The following ANGPT4 variants were observed in gnomAD, a reference collection of about 807,000 sequenced individuals.
The protein encoded by ANGPT4 is angiopoietin 4.
In ANGPT4, 50 loss-of-function variants were observed where a neutral mutation model predicts 53.0. The observed-to-expected ratio is 0.94, with a 90% confidence interval of 0.75 to 1.20. The LOEUF (loss-of-function observed/expected upper bound fraction) is 1.20. ANGPT4 is among the 50% of genes most tolerant of loss of function. ANGPT4 has a pLI of 0.00. For missense variants in ANGPT4, 648 were observed against 637.1 expected, an observed-to-expected ratio of 1.02 and a Z score of -0.18; for synonymous variants, 251 against 259.7, an observed-to-expected ratio of 0.97 and a Z score of 0.32.
rs1406578723 is a variant in ANGPT4, at chr20:911,176, G to C, written c.309+4730C>G. ...AGGCTGGGCAAGGACCCCACCCTGGGTTCCTCCTTGGTGCTCTCTTGACCC... is the reference window on the plus strand; with the variant it reads ...AGGCTGGGCAAGGACCCCACCCTGGCTTCCTCCTTGGTGCTCTCTTGACCC... On this transcript the variant is annotated intron_variant, in intron 1 of 8. Coordinates refer to ENST00000381922, the MANE Select transcript of ANGPT4 (RefSeq NM_015985.4). This position sits in a 1 kb window ranked among gnomAD's most constrained non-coding sequence, Gnocchi z 4.9. 6.6e-6 allele frequency among the ~76,000 whole-genome samples: 1 copy of C among 152,028 alleles called. No homozygotes were observed. Among genetic ancestry groups the C allele is most frequent in the Non-Finnish European group, 1.5e-5 (1 of 67,986 alleles).
intron 1 of ANGPT4, among the ~76,000 whole-genome samples, chr20:893,375 C>T (rs747729342): frequency 5.9e-5 from 9 of 152,218 alleles, no homozygotes; most frequent in Non-Finnish European, 1.2e-4. Context: ...AATGCTATGC[C>T]TGATCACAGA....
chr20:913,183 CTT>C (rs573315279), intron 1 of ANGPT4, among the ~76,000 whole-genome samples: 1 of 151,998 alleles, frequency 6.6e-6, no homozygotes, highest in Non-Finnish European at 1.5e-5. Flanking sequence ...TTTTAAAACT[CTT>C]TTTTTAACTT....
At chr20:895,612 C>T (rs1481179821) in intron 1 of ANGPT4, among the ~76,000 whole-genome samples, 2 of 152,118 alleles carry the variant, frequency 1.3e-5, no homozygotes, top group African/African-American at 4.8e-5. Flanking sequence ...GGATGAGCAG[C>T]CTCCGTGGCC....
chr20:891,849 T>G (rs1981859705), intron 1 of ANGPT4, among the ~76,000 whole-genome samples: 1 of 152,196 alleles, frequency 6.6e-6, no homozygotes, highest in Non-Finnish European at 1.5e-5. Flanking sequence ...AGAGCTGTGT[T>G]TCTCCAAGTG....
chr20:885,689 T>C (rs12625562), intron 3 of ANGPT4, among the ~76,000 whole-genome samples: 5,050 of 151,876 alleles, frequency 0.033, 109 homozygotes, highest in Middle Eastern at 0.058. Context: ...AAAAACAAAC[T>C]AACCAACCAA....
At position 870,014 on chromosome 20, in the gene ANGPT4, A is replaced by T. The variant is rs940597874; in HGVS notation, c.*2946T>A. 2 of 152,302 alleles carry T rather than the reference A, an allele frequency of 1.3e-5. No individual in the cohort carries two copies. The highest frequency in any genetic ancestry group is 2.4e-5 in the African/African-American group (1 of 41,466). 9.4% of individuals were successfully genotyped at this position (152,302 alleles called of 1,614,324 possible). ...GGGCTGCCAGAGCCTTCTTGTGAGG[A>T]AAGATCCTGGCTGAGAATGAAGTCA... On this transcript the variant is annotated 3_prime_UTR_variant, in exon 9 of 9. Transcript: ENST00000381922.
chr20:897,219 C>T (rs1352954295), intron 1 of ANGPT4, among the ~76,000 whole-genome samples: 4 of 152,252 alleles, frequency 2.6e-5, no homozygotes, highest in Admixed American at 1.3e-4. Flanking sequence ...TTCACATGGA[C>T]GTGCATGATA....
At chr20:874,507 G>C in intron 7 of ANGPT4, 93 bp from the exon 8 acceptor site, 3 of 1,535,148 alleles carry the variant, frequency 2.0e-6, no homozygotes, top group Non-Finnish European at 2.7e-6. Flanking sequence ...TTTGTCCCAG[G>C]CTGGGCTTCC....
chr20:904,283 G>A (rs900020847), intron 1 of ANGPT4, among the ~76,000 whole-genome samples: 1 of 152,274 alleles, frequency 6.6e-6, no homozygotes, highest in East Asian at 1.9e-4. Context: ...TGCAGTAACT[G>A]TGTTTCCATC....
chr20:882,503 G>GGCTATT (rs1981447018), intron 4 of ANGPT4, among the ~76,000 whole-genome samples: 1 of 148,280 alleles, frequency 6.7e-6, no homozygotes, highest in Non-Finnish European at 1.5e-5. Flanking sequence ...GTCCAGAGAA[G>GGCTATT]GCTATTGCTC....
Position 885,230 on chromosome 20 carries a change from C to A in ANGPT4, c.683G>T (p.Ser228Ile). Residue 228 changes from serine to isoleucine, a missense_variant, in exon 4 of 9, where the codon AGC becomes ATC. Ser to Ile is a moderately radical substitution (Grantham distance 142, BLOSUM62 -2). Transcript: ENST00000381922. ...SKKAKLLNTL[S>I]RQSAALTNIE... ...GTTGGTGAGGGCGGCGCTCTGGCGGCTCAGCGTGTTCAGCAGCTTCGCCTT... is the reference window on the plus strand; with the variant it reads ...GTTGGTGAGGGCGGCGCTCTGGCGGATCAGCGTGTTCAGCAGCTTCGCCTT... The A allele has an allele frequency of 6.3e-7, 1 of 1,587,680 alleles. No individual in the cohort carries two copies. The highest frequency in any genetic ancestry group is 8.6e-7 in the Non-Finnish European group (1 of 1,166,916).
Position 878,148 on chromosome 20 carries a change from G to A in ANGPT4, c.1220+13C>T, listed in dbSNP as rs750735829. 1.3e-6 allele frequency: 2 copies of A among 1,580,460 alleles called. No individual in the cohort carries two copies. The highest frequency in any genetic ancestry group is 1.3e-5 in the African/African-American group (1 of 74,514). On this transcript the variant is annotated intron_variant, in intron 7 of 8. Coordinates refer to ENST00000381922, the MANE Select transcript of ANGPT4 (RefSeq NM_015985.4). ...GACCCCAGCCCCCACAACGGCCTGG[G>A]CCCCGAACCCACCTGTATAGCTGGT...
chr20:908,343 G>T lies in ANGPT4; in HGVS notation c.309+7563C>A, dbSNP rs977665182. Among the ~76,000 whole-genome samples, 1 of 152,046 alleles carries T rather than the reference G, an allele frequency of 6.6e-6. No individual in the cohort carries two copies. Among genetic ancestry groups the T allele is most frequent in the Admixed American group, 6.6e-5 (1 of 15,258 alleles). On this transcript the variant is annotated intron_variant, in intron 1 of 8. Transcript: ENST00000381922. The surrounding 1 kb of genome is among the most constrained non-coding windows in gnomAD (Gnocchi z 4.9). ...ACACACTGAATGCCTTTTGCTTTTG[G>T]CCCATTCTACCCCCAGGGCCTTTGC...
chr20:878,524 G>A (rs1206823045), intron 6 of ANGPT4, among the ~76,000 whole-genome samples, 197 bp from the exon 7 acceptor site: 3 of 152,244 alleles, frequency 2.0e-5, no homozygotes, highest in East Asian at 1.9e-4. Context: ...TAAGGCTTTT[G>A]TAAGTGTAAA....
Position 915,939 on chromosome 20 carries a change from C to A in ANGPT4, c.276G>T (p.Gln92His). 1 of 1,601,544 alleles carries A rather than the reference C, an allele frequency of 6.2e-7. No homozygotes were observed. Among genetic ancestry groups the A allele is most frequent in the Non-Finnish European group, 8.5e-7 (1 of 1,171,904 alleles). The change falls in exon 1 of 9, where the codon CAG becomes CAT. Residue 92 changes from glutamine (Q) to histidine (H), a missense_variant. Gln to His is a conservative substitution (Grantham distance 24, BLOSUM62 0). Transcript: ENST00000381922. ...LPTQQVKQLE[Q>H]ALQNNTQWLK... ...GCCACTGCGTGTTGTTCTGCAGTGC[C>A]TGCTCCAGCTGTTTCACCTGCTGGG... is the stretch of plus-strand genomic sequence containing the variant.
At chr20:899,252 T>A (rs6086388) in intron 1 of ANGPT4, among the ~76,000 whole-genome samples, 45,523 of 123,738 alleles carry the variant, frequency 0.37, 7,176 homozygotes, top group East Asian at 0.53. Context: ...TGGGACAAAA[T>A]TTTTTTTTTT....
intron 3 of ANGPT4, among the ~76,000 whole-genome samples, chr20:888,085 G>T (rs562457887): frequency 6.6e-6 from 1 of 152,142 alleles, no homozygotes; most frequent in East Asian, 1.9e-4. Context: ...TCCCCAGCAG[G>T]GGCTATTCCC....
In ANGPT4 at chr20:870,076, A is replaced by T. The variant is rs1425984904; in HGVS notation, c.*2884T>A. ...GGAGGGGCTGAGAGGTGGAGCTGAC[A>T]TCATTTGAGCCTCTGGATCTAACCT... is the stretch of plus-strand genomic sequence containing the variant. On this transcript the variant is annotated 3_prime_UTR_variant, in exon 9 of 9. Transcript: ENST00000381922. The T allele has an allele frequency of 6.6e-6, 1 of 152,294 alleles. No homozygotes were observed. The highest frequency in any genetic ancestry group is 1.5e-5 in the Non-Finnish European group (1 of 68,110). The allele number at this position is 152,294 out of a possible 1,614,324, so 9.4% of individuals were successfully genotyped here.
At position 885,270 on chromosome 20, in the gene ANGPT4, T is replaced by C. The variant is rs1019642548; in HGVS notation, c.643A>G (p.Ser215Gly). 1.9e-6 allele frequency: 3 copies of C among 1,582,570 alleles called. No individual in the cohort carries two copies. The highest frequency in any genetic ancestry group is 1.8e-5 in the Admixed American group (1 of 56,852). ...LETKQQEELA[S>G]ILSKKAKLLN... is the part of the protein sequence containing the mutation. ...AGCTTCGCCTTCTTGCTGAGGATGC[T>C]GGCCAGCTCCTCCTGCTGCTTGGTC... The change falls in exon 4 of 9, where the codon AGC becomes GGC. Residue 215 changes from serine to glycine, a missense_variant. Physicochemically the swap from Ser to Gly is moderately conservative, Grantham distance 56. Coordinates refer to ENST00000381922, the MANE Select transcript of ANGPT4 (RefSeq NM_015985.4).
Sources: allele counts gnomAD v4.1 joint callset (sites outside exome capture counted in the v4.1 genomes callset), GRCh38; gene constraint gnomAD v4.1.1; non-coding constraint Gnocchi (gnomAD v3.1); transcripts MANE v1.5; gene names NCBI Gene and HGNC (gene_info 2026-07-23, HGNC 2026-07-21).